Variants in TLR8 observed in about 807,000 individuals in gnomAD.
The protein encoded by TLR8 is toll-like receptor 8.
Under a neutral mutation model 18.5 loss-of-function variants are expected in TLR8, and 5 were observed. The ratio of observed to expected loss-of-function variants is 0.27; its 90% CI spans 0.14 to 0.57. The LOEUF (loss-of-function observed/expected upper bound fraction) is 0.57, where lower values mean the gene tolerates loss of function less well. TLR8 is among the 20% of genes least tolerant of loss of function. The pLI, the probability that TLR8 is intolerant of heterozygous loss-of-function variation, is 0.92. For synonymous variants in TLR8, 299 were observed against 300.1 expected (o/e 1.00, Z 0.04); for missense variants, 543 against 769.8 (o/e 0.71, Z 3.49).
At chrX:12,914,014 T>C (rs2043037842) in intron 1 of TLR8, among the ~76,000 whole-genome samples, 1 of 112,255 alleles carries the variant, frequency 8.9e-6, no homozygotes, top group Non-Finnish European at 1.9e-5. Flanking sequence ...TTAATGCATA[T>C]ACCTGTTACA....
At chrX:12,911,908 T>C (rs1008578703) in intron 1 of TLR8, among the ~76,000 whole-genome samples, 1 of 112,800 alleles carries the variant, frequency 8.9e-6, no homozygotes, top group Non-Finnish European at 1.9e-5. Context: ...ATCCACCTGC[T>C]TTCCATTTTG....
rs757638983 is a variant in TLR8, at chrX:12,920,885, C to T, written c.1845C>T (p.Phe615=). 4.2e-5 allele frequency: 51 copies of T among 1,209,038 alleles called. No homozygotes were observed. In the East Asian group the frequency reaches 1.5e-3, roughly 36 times the overall value. Reference sequence around the variant, plus strand: ...GCAAGTCCCTGGTAGAATTAGTTTTCAGTGGCAATCGCCTTGACATTTTGT... The same window carrying T: ...GCAAGTCCCTGGTAGAATTAGTTTTTAGTGGCAATCGCCTTGACATTTTGT... ...LESKSLVELV[F]SGNRLDILWN... Residue 615 remains phenylalanine, a synonymous_variant, in exon 2 of 2, where the codon TTC becomes TTT. Coordinates refer to ENST00000218032, the MANE Select transcript of TLR8 (RefSeq NM_138636.5).
chrX:12,920,000 C>T lies in TLR8; in HGVS notation c.960C>T (p.Phe320=). 2 of 1,211,825 alleles carry T rather than the reference C, an allele frequency of 1.7e-6. No individual in the cohort carries two copies. The highest frequency in any genetic ancestry group is 2.2e-6 in the Non-Finnish European group (2 of 895,528). The change falls in exon 2 of 2, where the codon TTC becomes TTT. Residue 320 remains phenylalanine, a synonymous_variant. Transcript: ENST00000218032. Reference sequence around the variant, plus strand: ...ATCTGAAGGTGCTGGATCTTGAATTCAACTATTTAGTGGGAGAAATAGCCT... The same window carrying T: ...ATCTGAAGGTGCTGGATCTTGAATTTAACTATTTAGTGGGAGAAATAGCCT... The part of the protein sequence containing the change: ...MPHLKVLDLE[F]NYLVGEIASG...
chrX:12,910,494 C>T lies in TLR8; in HGVS notation c.3+3785C>T. On this transcript the variant is annotated intron_variant, in intron 1 of 1. Transcript: ENST00000218032. ...CAGCTTTACGCCCCTCCCAGACCAC[C>T]TGCACTGCACACTACGTGGAATTTA... 3 of 1,111,769 alleles carry T rather than the reference C, an allele frequency of 2.7e-6. No homozygotes were observed. The South Asian group carries it at 5.9e-5, about 22-fold the overall frequency. The allele number at this position is 1,111,769 out of a possible 1,213,427, so 91.6% of individuals were successfully genotyped here.
chrX:12,910,637 C>T, intron 1 of TLR8, among the ~76,000 whole-genome samples: 1 of 112,178 alleles, frequency 8.9e-6, no homozygotes, highest in East Asian at 2.8e-4. Context: ...ATTGCAACTC[C>T]CAGCGAATGA....
At chrX:12,912,070 TTCTC>T (rs1372991433) in intron 1 of TLR8, among the ~76,000 whole-genome samples, 1 of 103,586 alleles carries the variant, frequency 9.7e-6, no homozygotes, top group Non-Finnish European at 1.9e-5. Flanking sequence ...CACTCTTTCT[TTCTC>T]TCTCTCTCTC....
intron 1 of TLR8, among the ~76,000 whole-genome samples, chrX:12,916,253 ATGT>A (rs1170351759): frequency 8.9e-6 from 1 of 111,751 alleles, no homozygotes; most frequent in Non-Finnish European, 1.9e-5. Context: ...AAACCTTGTA[ATGT>A]TGTGTTTAAG....
At chrX:12,918,056 T>C (rs1241711111) in intron 1 of TLR8, among the ~76,000 whole-genome samples, 1 of 112,469 alleles carries the variant, frequency 8.9e-6, no homozygotes, top group Non-Finnish European at 1.9e-5. Flanking sequence ...GAGGACCTAC[T>C]GCGTCATGTT....
At position 12,920,936 on chromosome X, in the gene TLR8, C is replaced by A; in HGVS notation, c.1896C>A (p.Ile632=). Residue 632 remains isoleucine, a synonymous_variant, in exon 2 of 2, where the codon ATC becomes ATA. Coordinates refer to ENST00000218032, the MANE Select transcript of TLR8 (RefSeq NM_138636.5). Reference sequence around the variant, plus strand: ...GGAATGATGATGACAACAGGTATATCTCCATTTTCAAAGGTCTCAAGAATC... The same window carrying A: ...GGAATGATGATGACAACAGGTATATATCCATTTTCAAAGGTCTCAAGAATC... ...ILWNDDDNRY[I]SIFKGLKNLT... The A allele has an allele frequency of 8.3e-7, 1 of 1,210,724 alleles. No homozygotes were observed. The highest frequency in any genetic ancestry group is 1.8e-5 in the South Asian group (1 of 56,771).
Position 12,913,906 on chromosome X carries a change from CT to C in TLR8, c.4-5134del, listed in dbSNP as rs200512783. Among the ~76,000 whole-genome samples the C allele has an allele frequency of 3.4e-3, 380 of 112,422 alleles. 3 individuals are homozygous for C. Among genetic ancestry groups the C allele is most frequent in the African/African-American group, 0.012 (361 of 30,984 alleles). On this transcript the variant is annotated intron_variant, in intron 1 of 1. Transcript: ENST00000218032. ...GTAATTTTTGAGTGAGGTTGAGTAT[CT>C]TTTCCTATGCTTTAAGAGCAATTTA... is the stretch of plus-strand genomic sequence containing the variant.
chrX:12,920,350 C>T lies in TLR8; in HGVS notation c.1310C>T (p.Thr437Ile), dbSNP rs201737997. The change falls in exon 2 of 2, where the codon ACC becomes ATC. Residue 437 changes from threonine to isoleucine, a missense_variant. Coordinates refer to ENST00000218032, the MANE Select transcript of TLR8 (RefSeq NM_138636.5). ...ENRISPLVKD[T>I]RQSYANSSSF... ...AGAATATCACCGTTGGTAAAAGATA[C>T]CCGGCAGAGTTATGCAAATAGTTCC... 2.5e-6 allele frequency: 3 copies of T among 1,209,431 alleles called. No individual in the cohort carries two copies. Among genetic ancestry groups the T allele is most frequent in the Non-Finnish European group, 3.4e-6 (3 of 894,863 alleles).
At position 12,920,811 on chromosome X, in the gene TLR8, T is replaced by C; in HGVS notation, c.1771T>C (p.Leu591=). ...QNFTNLKVLN[L]SHNNIYTLTD... is the part of the protein sequence containing the mutation. ...TTTCACAAATCTAAAAGTTTTAAAC[T>C]TGAGCCACAACAACATTTATACTTT... Residue 591 remains leucine, a synonymous_variant, in exon 2 of 2, where the codon TTG becomes CTG. Transcript: ENST00000218032. The C allele has an allele frequency of 8.3e-7, 1 of 1,210,725 alleles. No homozygotes were observed. The highest frequency in any genetic ancestry group is 2.3e-4 in the Middle Eastern group (1 of 4,348).
Position 12,921,875 on chromosome X carries a change from T to C in TLR8, c.2835T>C (p.Val945=), listed in dbSNP as rs1481518185. 1 of 1,211,641 alleles carries C rather than the reference T, an allele frequency of 8.3e-7. No homozygotes were observed. The highest frequency in any genetic ancestry group is 1.7e-5 in the African/African-American group (1 of 57,840). Residue 945 remains valine (V), a synonymous_variant, in exon 2 of 2, where the codon GTT becomes GTC. Coordinates refer to ENST00000218032, the MANE Select transcript of TLR8 (RefSeq NM_138636.5). ...ACCAAAGCAAGAAAACAGTATTTGT[T>C]TTAACCAAAAAATATGCAAAAAGCT... The part of the protein sequence containing the change: ...SINQSKKTVF[V]LTKKYAKSWN...
chrX:12,912,070 T>TTC (rs1372991433), intron 1 of TLR8, among the ~76,000 whole-genome samples: 2 of 103,584 alleles, frequency 1.9e-5, no homozygotes, highest in Non-Finnish European at 1.9e-5. Flanking sequence ...CACTCTTTCT[T>TTC]TCTCTCTCTC....
intron 1 of TLR8, among the ~76,000 whole-genome samples, chrX:12,918,166 C>T (rs5744071): frequency 0.065 from 7,305 of 111,866 alleles, 605 homozygotes; most frequent in African/African-American, 0.23. Context: ...TGCCCACTTT[C>T]CAGTCATGCA....
intron 1 of TLR8, among the ~76,000 whole-genome samples, chrX:12,907,204 T>G (rs188646994): frequency 3.6e-5 from 4 of 112,568 alleles, no homozygotes; most frequent in South Asian, 3.6e-4. Flanking sequence ...AGTTCGACAT[T>G]AATTGCTACT....
chrX:12,915,313 C>A (rs2043047563), intron 1 of TLR8, among the ~76,000 whole-genome samples: 1 of 111,331 alleles, frequency 9.0e-6, no homozygotes, highest in Non-Finnish European at 1.9e-5. Flanking sequence ...CAAGCATGAG[C>A]CACCATGCCC....
At chrX:12,916,535 C>T (rs1281678431) in intron 1 of TLR8, among the ~76,000 whole-genome samples, 1 of 112,070 alleles carries the variant, frequency 8.9e-6, no homozygotes, top group African/African-American at 3.2e-5. Flanking sequence ...CTGTGTCTCC[C>T]GGTACAGATG....
intron 1 of TLR8, among the ~76,000 whole-genome samples, chrX:12,907,684 G>A (rs1187526300): frequency 8.2e-5 from 9 of 110,412 alleles, no homozygotes; most frequent in African/African-American, 3.0e-4. Context: ...GTGCCACCAC[G>A]CCTGGCTAAT....
Sources: allele counts gnomAD v4.1 joint callset (sites outside exome capture counted in the v4.1 genomes callset), GRCh38; gene constraint gnomAD v4.1.1; transcripts MANE v1.5; gene names NCBI Gene and HGNC (gene_info 2026-07-23, HGNC 2026-07-21).